Variants in AHNAK observed in about 807,000 individuals in gnomAD.
The protein encoded by AHNAK is AHNAK nucleoprotein.
AHNAK carries 23 observed loss-of-function variants against 37.8 expected under a neutral mutation model. The observed-to-expected ratio is 0.61, with a 90% CI of 0.44 to 0.86. The LOEUF (loss-of-function observed/expected upper bound fraction) is 0.86. Among genes scored for constraint, AHNAK ranks in the 40% least tolerant of loss-of-function variants. The pLI, the probability that AHNAK is intolerant of heterozygous loss-of-function variation, is 0.00. For synonymous variants in AHNAK, 2,481 were observed against 2,636.3 expected (o/e 0.94, Z 1.80); for missense variants, 7,411 against 7,319.4 (o/e 1.01, Z -0.46).
intron 4 of AHNAK, 151 bp downstream of exon 4, chr11:62,534,851 TG>T: frequency 1.3e-6 from 1 of 752,326 alleles, no homozygotes; most frequent in Non-Finnish European, 2.1e-6. Flanking sequence ...AGAAACAGGG[TG>T]GCCAAGGGCT....
At chr11:62,469,660 G>T (rs950445791) in intron 5 of AHNAK, among the ~76,000 whole-genome samples, 2 of 151,726 alleles carry the variant, frequency 1.3e-5, no homozygotes, top group Admixed American at 1.3e-4. Context: ...TAGAGATGGG[G>T]TTTCACTGTG....
rs760950957 is a variant in AHNAK at position 62,521,900 on chromosome 11, C to A, written c.12517G>T (p.Asp4173Tyr). The change falls in exon 5 of 5, where the codon GAT becomes TAT. Residue 4173 changes from aspartate (D) to tyrosine (Y), a missense_variant. Physicochemically the swap from Asp to Tyr is radical, Grantham distance 160. Transcript: ENST00000378024. ...CCTTGAACGTCCACATCTGGGACAT[C>A]AATGTCCACTTTGGGGCCCTTGATG... ...VDIKGPKVDIDVPDVDVQGPD... is the reference protein window; with the variant it reads ...VDIKGPKVDIYVPDVDVQGPD... 6.2e-7 allele frequency: 1 copy of A among 1,612,756 alleles called. No homozygotes were observed. The highest frequency in any genetic ancestry group is 1.7e-5 in the Admixed American group (1 of 59,850).
Position 62,517,705 on chromosome 11 carries a change from T to C in AHNAK, c.16712A>G (p.Asp5571Gly). The C allele has an allele frequency of 2.5e-6, 4 of 1,614,142 alleles. No homozygotes were observed. Among genetic ancestry groups the C allele is most frequent in the Non-Finnish European group, 3.4e-6 (4 of 1,180,016 alleles). ...LKGPKIKGGADVSGGVSAPDI... is the reference protein window; with the variant it reads ...LKGPKIKGGAGVSGGVSAPDI... ...TGGGGCACTGACACCCCCTGAAACA[T>C]CCGCACCTCCTTTGATTTTTGGGCC... Residue 5571 changes from aspartate (D) to glycine (G), a missense_variant, in exon 5 of 5, where the codon GAT becomes GGT. Physicochemically the swap from Asp to Gly is moderately conservative, Grantham distance 94. Coordinates refer to ENST00000378024, the MANE Select transcript of AHNAK (RefSeq NM_001620.3).
Position 62,520,447 on chromosome 11 carries a change from A to C in AHNAK, c.13970T>G (p.Met4657Arg). Residue 4657 changes from methionine (M) to arginine (R), a missense_variant, in exon 5 of 5, where the codon ATG becomes AGG. By Grantham distance (91) the Met-to-Arg change is moderately conservative (BLOSUM62 -1). Coordinates refer to ENST00000378024, the MANE Select transcript of AHNAK (RefSeq NM_001620.3). ...DWHLKMPKVK[M>R]PKFSMPGFKG... ...GAAGCCAGGCATGCTGAACTTGGGCATTTTCACTTTGGGCATTTTTAGGTG... is the reference window on the plus strand; with the variant it reads ...GAAGCCAGGCATGCTGAACTTGGGCCTTTTCACTTTGGGCATTTTTAGGTG... 1 of 1,613,860 alleles carries C rather than the reference A, an allele frequency of 6.2e-7. No homozygotes were observed. Among genetic ancestry groups the C allele is most frequent in the Non-Finnish European group, 8.5e-7 (1 of 1,179,988 alleles).
intron 5 of AHNAK, among the ~76,000 whole-genome samples, chr11:62,452,900 C>T (rs1364831915): frequency 2.0e-5 from 3 of 152,100 alleles, no homozygotes; most frequent in Non-Finnish European, 4.4e-5. Flanking sequence ...TGGCACGCAC[C>T]TGTAGTCCCA....
intron 4 of AHNAK, among the ~76,000 whole-genome samples, chr11:62,503,872 G>T (rs912592647): frequency 9.2e-5 from 14 of 152,060 alleles, no homozygotes; most frequent in Admixed American, 7.2e-4. Context: ...TAAAGTCCCT[G>T]CCTCCAGGCC....
intron 5 of AHNAK, among the ~76,000 whole-genome samples, chr11:62,473,730 G>A (rs1260334028): frequency 6.6e-6 from 1 of 151,296 alleles, no homozygotes; most frequent in Non-Finnish European, 1.5e-5. Flanking sequence ...CCAGGCTCAG[G>A]TCACGCTATA....
intron 5 of AHNAK, among the ~76,000 whole-genome samples, chr11:62,453,444 T>TA (rs1273584967): frequency 6.6e-6 from 1 of 152,158 alleles, no homozygotes; most frequent in Non-Finnish European, 1.5e-5. Flanking sequence ...ATTGGGTACT[T>TA]ACTGTGTGTC....
At chr11:62,448,842 G>A (rs1938474168) in intron 5 of AHNAK, among the ~76,000 whole-genome samples, 1 of 152,150 alleles carries the variant, frequency 6.6e-6, no homozygotes, top group Non-Finnish European at 1.5e-5. Flanking sequence ...GGCCGAGGTG[G>A]GCGGATCACA....
chr11:62,461,567 A>G (rs183633336), intron 5 of AHNAK, among the ~76,000 whole-genome samples: 5 of 152,316 alleles, frequency 3.3e-5, no homozygotes, highest in African/African-American at 1.2e-4. Context: ...TTTAGAAGTA[A>G]TTCCTAAAAA....
Position 62,523,216 on chromosome 11 carries a change from T to A in AHNAK, c.11201A>T (p.Lys3734Met). Residue 3734 changes from lysine (K) to methionine (M), a missense_variant, in exon 5 of 5, where the codon AAG becomes ATG. Lys to Met is a moderately conservative substitution (Grantham distance 95). Transcript: ENST00000378024. Reference sequence around the variant, plus strand: ...AGCCTTCAGGTGCATCTCTGGTATCTTAAATTTGGGTCCCTTGAATTTACC... The same window carrying A: ...AGCCTTCAGGTGCATCTCTGGTATCATAAATTTGGGTCCCTTGAATTTACC... ...SEGKFKGPKF[K>M]IPEMHLKAPK... is the part of the protein sequence containing the mutation. The A allele has an allele frequency of 6.2e-7, 1 of 1,613,764 alleles. No individual in the cohort carries two copies. Among genetic ancestry groups the A allele is most frequent in the Non-Finnish European group, 8.5e-7 (1 of 1,179,858 alleles).
At chr11:62,437,869 T>C (rs914008855) in intron 5 of AHNAK, among the ~76,000 whole-genome samples, 2 of 152,180 alleles carry the variant, frequency 1.3e-5, no homozygotes, top group Non-Finnish European at 2.9e-5. Flanking sequence ...GGTGGGTGTG[T>C]AGTAGTATCT....
In AHNAK at chr11:62,486,555, G is replaced by C. The variant is rs56665230; in HGVS notation, c.442+5177C>G. On this transcript the variant is annotated intron_variant, in intron 5 of 5. Transcript: ENST00000257247. ...GGAAGGAAGGAAGGGAGGGAGGGAG[G>C]GAGGGAGGGAGCATGGTGGTTGCCG... is the stretch of plus-strand genomic sequence containing the variant. Among the ~76,000 whole-genome samples the C allele has an allele frequency of 1.0e-4, 14 of 136,876 alleles. No individual in the cohort carries two copies. The East Asian group carries it at 2.6e-3, about 25-fold the overall frequency. The allele number at this position is 136,876 out of a possible 152,430, so 89.8% of individuals were successfully genotyped here. A position where few individuals can be genotyped will look rare whatever the true frequency, so the allele number is the denominator to read the frequency against.
intron 5 of AHNAK, among the ~76,000 whole-genome samples, chr11:62,479,207 A>T (rs1363818518): frequency 3.1e-5 from 2 of 64,358 alleles, no homozygotes; most frequent in South Asian, 4.2e-4. Context: ...CCCTCTTGTT[A>T]CCCAGGTTGG....
At chr11:62,454,257 CAA>C (rs1193436535) in intron 5 of AHNAK, among the ~76,000 whole-genome samples, 1 of 147,410 alleles carries the variant, frequency 6.8e-6, no homozygotes, top group African/African-American at 2.5e-5. Context: ...ACTGAAAATA[CAA>C]AAAATTAGCC....
chr11:62,522,480 A>T lies in AHNAK; in HGVS notation c.11937T>A (p.Gly3979=). 1 of 1,609,550 alleles carries T rather than the reference A, an allele frequency of 6.2e-7. No individual in the cohort carries two copies. Among genetic ancestry groups the T allele is most frequent in the Non-Finnish European group, 8.5e-7 (1 of 1,178,740 alleles). The change falls in exon 5 of 5, where the codon GGT becomes GGA. Residue 3979 remains glycine (G), a synonymous_variant. Coordinates refer to ENST00000378024, the MANE Select transcript of AHNAK (RefSeq NM_001620.3). ...DVDVPDVNIE[G]PDAKLKGPKF... ...TAGGGCCCTTCAGTTTCGCATCTGG[A>T]CCTTCAATATTCACATCTGGAACAT...
At chr11:62,478,124 C>G (rs536484371) in intron 5 of AHNAK, among the ~76,000 whole-genome samples, 1 of 152,196 alleles carries the variant, frequency 6.6e-6, no homozygotes, top group South Asian at 2.1e-4. Context: ...CTCCCATCTC[C>G]TCCCCCACTA....
In AHNAK at chr11:62,523,421, T is replaced by C; in HGVS notation, c.10996A>G (p.Ile3666Val). Residue 3666 changes from isoleucine to valine, a missense_variant, in exon 5 of 5, where the codon ATC (isoleucine) becomes GTC (valine). Ile to Val is a conservative substitution (Grantham distance 29, BLOSUM62 3). Transcript: ENST00000378024. ...GGCATGGAGATCTTGGGGGCTTTGA[T>C]GTTCATCTCAGGCATCTTGAACTTG... ...GPKFKMPEMNIKAPKISMPDF... is the reference protein window; with the variant it reads ...GPKFKMPEMNVKAPKISMPDF... 6.2e-7 allele frequency: 1 copy of C among 1,612,760 alleles called. No homozygotes were observed. Among genetic ancestry groups the C allele is most frequent in the South Asian group, 1.1e-5 (1 of 90,876 alleles).
chr11:62,530,685 C>A lies in AHNAK; in HGVS notation c.3732G>T (p.Glu1244Asp), dbSNP rs748325898. The A allele has an allele frequency of 8.7e-6, 14 of 1,612,184 alleles. No individual in the cohort carries two copies. Among genetic ancestry groups the A allele is most frequent in the East Asian group, 2.2e-5 (1 of 44,710 alleles). ...PKMDIDAPDV[E>D]VQGPDWHLKM... ...TCAGGTGCCAGTCTGGGCCTTGAAC[C>A]TCCACATCTGGGGCATCAATGTCCA... Residue 1244 changes from glutamate (E) to aspartate (D), a missense_variant, in exon 5 of 5, where the codon GAG (glutamate) becomes GAT (aspartate). Glu to Asp is a conservative substitution (Grantham distance 45, BLOSUM62 2). Transcript: ENST00000378024.
Sources: gnomAD v4.1 joint callset for allele counts (sites outside exome capture counted in the v4.1 genomes callset) on GRCh38, gnomAD v4.1.1 for gene constraint, MANE v1.5 for transcripts, NCBI Gene and HGNC (gene_info 2026-07-23, HGNC 2026-07-21) for gene names.